Variants in RASSF8 observed in about 807,000 individuals in gnomAD.
The protein encoded by RASSF8 is Ras association domain family member 8.
RASSF8 carries 22 observed loss-of-function variants against 48.5 expected under a neutral mutation model. That is an observed-to-expected ratio of 0.45 (90% confidence interval 0.32 to 0.65). The LOEUF (loss-of-function observed/expected upper bound fraction) is 0.65. Ranked by LOEUF, RASSF8 falls within the 30% of genes least tolerant of loss-of-function variation. The pLI is 0.03. For synonymous variants in RASSF8, 127 were observed against 171.5 expected (o/e 0.74, Z 2.03); for missense variants, 418 against 489.2 (o/e 0.85, Z 1.37).
intron 1 of RASSF8, among the ~76,000 whole-genome samples, chr12:25,986,746 C>G (rs761042608): frequency 3.3e-5 from 5 of 152,012 alleles, no homozygotes; most frequent in Admixed American, 6.5e-5. Flanking sequence ...CTTCTCATAA[C>G]CCTGACAAGG....
intron 2 of RASSF8, among the ~76,000 whole-genome samples, chr12:26,004,753 A>G (rs1039879105): frequency 6.6e-6 from 1 of 152,218 alleles, no homozygotes; most frequent in African/African-American, 2.4e-5. Context: ...CTGACATGAC[A>G]TGACTGGTAC....
Position 26,071,358 on chromosome 12 carries a change from G to A in RASSF8, c.*2540G>A, listed in dbSNP as rs1320302724. 4.4e-5 allele frequency: 42 copies of A among 962,172 alleles called. No individual in the cohort carries two copies. The highest frequency in any genetic ancestry group is 5.3e-4 in the Middle Eastern group (1 of 1,870). 59.6% of individuals were successfully genotyped at this position (962,172 alleles called of 1,614,324 possible). A position where few individuals can be genotyped will look rare whatever the true frequency, so the allele number is the denominator to read the frequency against. ...CCAAATATAAAATTTTCATCTGGGG[G>A]AATGTTCAGGTTCTAAATACTAAAT... On this transcript the variant is annotated 3_prime_UTR_variant, in exon 6 of 6. Coordinates refer to ENST00000689635, the MANE Select transcript of RASSF8 (RefSeq NM_001394098.1).
At chr12:26,049,087 C>A in intron 2 of RASSF8, among the ~76,000 whole-genome samples, 1 of 152,288 alleles carries the variant, frequency 6.6e-6, no homozygotes, top group East Asian at 1.9e-4. Context: ...GTATGGTGTT[C>A]TGGGCTTAAA....
At chr12:26,029,161 A>AT (rs1307154187) in intron 2 of RASSF8, among the ~76,000 whole-genome samples, 4 of 151,956 alleles carry the variant, frequency 2.6e-5, no homozygotes, top group African/African-American at 9.7e-5. Context: ...CCCCTCAGTG[A>AT]TTTTTCTCAT....
intron 1 of RASSF8, among the ~76,000 whole-genome samples, chr12:25,964,543 A>G (rs1469624787): frequency 6.6e-6 from 1 of 152,190 alleles, no homozygotes; most frequent in Non-Finnish European, 1.5e-5. Context: ...GTTAGCTATC[A>G]TTGGCTCGTG....
Position 26,068,763 on chromosome 12 carries a change from G to A in RASSF8, c.1205G>A (p.Arg402His), listed in dbSNP as rs776942032. The A allele has an allele frequency of 1.2e-5, 19 of 1,537,070 alleles. No individual in the cohort carries two copies. The highest frequency in any genetic ancestry group is 9.8e-5 in the East Asian group (4 of 40,930). The stretch of plus-strand genomic sequence containing the variant: ...TCTCGGCAGCTCCCCAGTAATCTCC[G>A]CATTCTGCAGAATCCTATCTCATCT... ...GSSRQLPSNL[R>H]ILQNPISSGF... The change falls in exon 6 of 6, where the codon CGC becomes CAC. Residue 402 changes from arginine to histidine, a missense_variant. By Grantham distance (29) the Arg-to-His change is conservative. Coordinates refer to ENST00000689635, the MANE Select transcript of RASSF8 (RefSeq NM_001394098.1).
chr12:26,062,157 G>C (rs1943758391), intron 3 of RASSF8, among the ~76,000 whole-genome samples: 1 of 152,196 alleles, frequency 6.6e-6, no homozygotes, highest in African/African-American at 2.4e-5. Flanking sequence ...GGAGGACACA[G>C]AGGTTCAGAG....
intron 4 of RASSF8, 26 bp downstream of exon 4, chr12:26,065,413 G>A: frequency 6.4e-7 from 1 of 1,555,216 alleles, no homozygotes; most frequent in Non-Finnish European, 8.7e-7. Context: ...TAAATAGAAT[G>A]TTTGGCCCAT....
chr12:25,989,551 T>C (rs1941966023), intron 1 of RASSF8, among the ~76,000 whole-genome samples: 1 of 152,178 alleles, frequency 6.6e-6, no homozygotes, highest in South Asian at 2.1e-4. Context: ...CAAATAGTCA[T>C]CTTATAGCTT....
At chr12:25,985,046 A>C (rs1390459220) in intron 1 of RASSF8, among the ~76,000 whole-genome samples, 1 of 152,160 alleles carries the variant, frequency 6.6e-6, no homozygotes, top group Non-Finnish European at 1.5e-5. Context: ...TTCATTTTTC[A>C]GATGCAGATT....
intron 1 of RASSF8, among the ~76,000 whole-genome samples, chr12:25,978,099 A>G (rs1315154701): frequency 6.6e-6 from 1 of 152,200 alleles, no homozygotes; most frequent in East Asian, 1.9e-4. Context: ...CATTTTATTA[A>G]TGACAGTGGA....
intron 3 of RASSF8, among the ~76,000 whole-genome samples, chr12:26,062,678 T>C (rs1209940377): frequency 6.6e-6 from 1 of 151,830 alleles, no homozygotes; most frequent in Non-Finnish European, 1.5e-5. Context: ...AGTCAGATTG[T>C]TGGGCAAGGG....
At chr12:26,037,574 T>C (rs1405742900) in intron 2 of RASSF8, among the ~76,000 whole-genome samples, 1 of 152,242 alleles carries the variant, frequency 6.6e-6, no homozygotes, top group Non-Finnish European at 1.5e-5. Context: ...GTTTAGTTAA[T>C]AATATTTTTG....
chr12:26,011,354 A>G (rs1441881874), intron 2 of RASSF8, among the ~76,000 whole-genome samples: 1 of 152,156 alleles, frequency 6.6e-6, no homozygotes, highest in Non-Finnish European at 1.5e-5. Context: ...AACCTTTCCA[A>G]AAAGATTAGC....
intron 2 of RASSF8, among the ~76,000 whole-genome samples, chr12:26,045,142 A>G (rs1336339360): frequency 1.3e-5 from 2 of 152,262 alleles, no homozygotes; most frequent in East Asian, 1.9e-4. Flanking sequence ...TGCCTTTTCA[A>G]ATTGTTTGAA....
chr12:26,059,615 C>T (rs921414930), intron 3 of RASSF8, among the ~76,000 whole-genome samples: 1 of 152,060 alleles, frequency 6.6e-6, no homozygotes, highest in Non-Finnish European at 1.5e-5. Flanking sequence ...TTTTCATTTA[C>T]TGTATTGTGA....
chr12:25,997,432 C>T (rs1942158406), intron 2 of RASSF8, among the ~76,000 whole-genome samples: 1 of 151,988 alleles, frequency 6.6e-6, no homozygotes, highest in African/African-American at 2.4e-5. Flanking sequence ...TTTAAAAATA[C>T]TCTCAATATT....
intron 2 of RASSF8, among the ~76,000 whole-genome samples, chr12:26,051,283 C>CT (rs1386109952): frequency 1.3e-5 from 2 of 152,102 alleles, no homozygotes; most frequent in Admixed American, 6.6e-5. Flanking sequence ...TTGCCAAATA[C>CT]TTAAGTGTGT....
In RASSF8 at chr12:25,961,974, C is replaced by T. The variant is rs184474142; in HGVS notation, c.-203+2826C>T. ...TGCCATCCTAATGCAAGCCACTGTA[C>T]TGTATTATCTTTTTCCTTGGTGCGG... On this transcript the variant is annotated intron_variant, in intron 1 of 5. Transcript: ENST00000689635. Among the ~76,000 whole-genome samples the T allele has an allele frequency of 2.5e-3, 383 of 152,172 alleles. 2 individuals are homozygous for T. Among genetic ancestry groups the T allele is most frequent in the African/African-American group, 7.5e-3 (312 of 41,522 alleles).
Sources: allele counts gnomAD v4.1 joint callset (sites outside exome capture counted in the v4.1 genomes callset), GRCh38; gene constraint gnomAD v4.1.1; transcripts MANE v1.5; gene names NCBI Gene and HGNC (gene_info 2026-07-23, HGNC 2026-07-21).